The following PDS5A variants were observed in gnomAD, a reference collection of about 807,000 sequenced individuals.
The protein encoded by PDS5A is sister chromatid cohesion protein PDS5 homolog A.
A neutral mutation model predicts 167.1 loss-of-function variants in PDS5A; 42 were observed. The observed-to-expected ratio is 0.25, with a 90% CI of 0.20 to 0.33. PDS5A has a LOEUF of 0.33. Ranked by LOEUF, PDS5A falls within the 10% of genes least tolerant of loss-of-function variation. PDS5A has a pLI of 1.00. For missense variants in PDS5A, 1,033 were observed against 1,605.9 expected, an observed-to-expected ratio of 0.64 and a Z score of 6.10; for synonymous variants, 553 against 554.6, an observed-to-expected ratio of 1.00 and a Z score of 0.04.
intron 21 of PDS5A, among the ~76,000 whole-genome samples, chr4:39,870,820 A>G (rs1275883593): frequency 6.6e-6 from 1 of 152,202 alleles, no homozygotes; most frequent in African/African-American, 2.4e-5. Flanking sequence ...CAACAATGTT[A>G]TTCCTAGATA....
At chr4:39,839,162 G>C (rs181142325) in intron 31 of PDS5A, among the ~76,000 whole-genome samples, 3 of 151,972 alleles carry the variant, frequency 2.0e-5, no homozygotes, top group Non-Finnish European at 4.4e-5. Flanking sequence ...CTAATCTATT[G>C]GTATCTGGAT....
intron 2 of PDS5A, among the ~76,000 whole-genome samples, chr4:39,952,778 G>A (rs1289219985): frequency 6.8e-6 from 1 of 146,552 alleles, no homozygotes; most frequent in Admixed American, 7.0e-5. Flanking sequence ...ACCCATGCTG[G>A]AATGCAATGG....
At chr4:39,891,580 G>A (rs528781045) in intron 16 of PDS5A, among the ~76,000 whole-genome samples, 69 of 151,806 alleles carry the variant, frequency 4.5e-4, no homozygotes, top group Non-Finnish European at 6.0e-4. Context: ...CCTGGGAGGC[G>A]GAGGCTGCGG....
At chr4:39,903,910 AGTT>A in intron 12 of PDS5A, 127 bp downstream of exon 12, 1 of 497,238 alleles carries the variant, frequency 2.0e-6, no homozygotes, top group Non-Finnish European at 3.4e-6. Context: ...TGATTAATCA[AGTT>A]GAATAAACTT....
intron 2 of PDS5A, among the ~76,000 whole-genome samples, chr4:39,937,376 G>A (rs370291087): frequency 4.6e-5 from 7 of 152,046 alleles, no homozygotes; most frequent in African/African-American, 1.4e-4. Flanking sequence ...TTATTGTTCA[G>A]TAATTCAATT....
intron 12 of PDS5A, 42 bp from the exon 13 acceptor site, chr4:39,902,502 T>A: frequency 1.0e-6 from 1 of 977,836 alleles, no homozygotes; most frequent in Non-Finnish European, 1.6e-6. Flanking sequence ...GTGACACAAT[T>A]ATTCCATTTT....
chr4:39,929,536 T>TATATATAC (rs1553903696), intron 2 of PDS5A, among the ~76,000 whole-genome samples: 22 of 116,662 alleles, frequency 1.9e-4, no homozygotes, highest in Non-Finnish European at 2.7e-4. Context: ...TATATATATA[T>TATATATAC]ATATATATAT....
rs550810030 is a variant in PDS5A at position 39,967,918 on chromosome 4, A to AAAAC, written c.138+8518_138+8521dup. On this transcript the variant is annotated intron_variant, in intron 2 of 32. Coordinates refer to ENST00000303538, the MANE Select transcript of PDS5A (RefSeq NM_001100399.2). ...CAACAGACCGAGAGACTCCATCTTA[A>AAAAC]AAACAAACAAACAAACAAACAAAAA... is the stretch of plus-strand genomic sequence containing the variant. Among the ~76,000 whole-genome samples the AAAAC allele has an allele frequency of 2.9e-3, 445 of 152,194 alleles. 1 individual carries two copies. Among genetic ancestry groups the AAAAC allele is most frequent in the Admixed American group, 5.6e-3 (85 of 15,266 alleles).
chr4:39,974,006 G>A, intron 2 of PDS5A: 1 of 460,356 alleles, frequency 2.2e-6, no homozygotes, highest in South Asian at 1.9e-5. Context: ...GGCGCCCGTG[G>A]TCCCAGCTAC....
At chr4:39,836,615 ATTTTTTTT>A (rs71645192) in intron 32 of PDS5A, among the ~76,000 whole-genome samples, 57 of 106,130 alleles carry the variant, frequency 5.4e-4, no homozygotes, top group African/African-American at 1.9e-3. Flanking sequence ...ATTTTTTTCT[ATTTTTTTT>A]TTTTTTTTTT....
intron 2 of PDS5A, among the ~76,000 whole-genome samples, chr4:39,968,409 T>C (rs1321263260): frequency 2.0e-5 from 3 of 150,538 alleles, no homozygotes; most frequent in African/African-American, 7.3e-5. Flanking sequence ...GCAATGGTGC[T>C]TAGATTACTT....
At chr4:39,850,471 C>T (rs1329120015) in intron 26 of PDS5A, among the ~76,000 whole-genome samples, 5 of 151,902 alleles carry the variant, frequency 3.3e-5, no homozygotes, top group African/African-American at 1.2e-4. Flanking sequence ...GTGACACCCT[C>T]TCAAAAGAAA....
At chr4:39,917,953 G>A (rs986072686) in intron 7 of PDS5A, among the ~76,000 whole-genome samples, 8 of 151,930 alleles carry the variant, frequency 5.3e-5, no homozygotes, top group Admixed American at 1.3e-4. Flanking sequence ...GCCGAGGCAC[G>A]ACAATCTTGA....
At chr4:39,916,045 C>A (rs1462751757) in intron 8 of PDS5A, among the ~76,000 whole-genome samples, 1 of 152,044 alleles carries the variant, frequency 6.6e-6, no homozygotes, top group Non-Finnish European at 1.5e-5. Flanking sequence ...CCAGCCTGGG[C>A]AACATAGTGA....
intron 11 of PDS5A, among the ~76,000 whole-genome samples, chr4:39,905,514 C>T (rs533174104): frequency 1.1e-4 from 16 of 152,174 alleles, no homozygotes; most frequent in East Asian, 5.8e-4. Context: ...GCCAAGATTG[C>T]GCCACTGCAC....
intron 17 of PDS5A, among the ~76,000 whole-genome samples, chr4:39,885,400 G>A (rs1449209018): frequency 6.6e-6 from 1 of 151,870 alleles, no homozygotes; most frequent in Non-Finnish European, 1.5e-5. Context: ...AGGAGCTCGA[G>A]ACCAGCCTGG....
intron 2 of PDS5A, among the ~76,000 whole-genome samples, chr4:39,929,937 C>T (rs535840189): frequency 6.5e-4 from 98 of 150,768 alleles, no homozygotes; most frequent in South Asian, 1.1e-3. Context: ...TTTGGGGGGC[C>T]GGGCGAGGTG....
chr4:39,861,296 T>C (rs777892607), intron 26 of PDS5A, among the ~76,000 whole-genome samples: 8 of 151,426 alleles, frequency 5.3e-5, no homozygotes, highest in African/African-American at 7.3e-5. Context: ...CTAACAAAAA[T>C]ACAAAAAAAG....
intron 23 of PDS5A, among the ~76,000 whole-genome samples, chr4:39,864,718 A>T (rs1374922360): frequency 6.6e-6 from 1 of 152,236 alleles, no homozygotes; most frequent in Non-Finnish European, 1.5e-5. Flanking sequence ...CAGGAATCAA[A>T]GTTAATAGCT....
Sources: gnomAD v4.1 joint callset for allele counts (sites outside exome capture counted in the v4.1 genomes callset) on GRCh38, gnomAD v4.1.1 for gene constraint, MANE v1.5 for transcripts, NCBI Gene and HGNC (gene_info 2026-07-23, HGNC 2026-07-21) for gene names.